Variants in MTIF2 observed in about 807,000 individuals in gnomAD.
The protein encoded by MTIF2 is mitochondrial translational initiation factor 2, also known as translation initiation factor IF-2, mitochondrial.
Under a neutral mutation model 83.5 loss-of-function variants are expected in MTIF2, and 71 were observed. The observed-to-expected ratio is 0.85, with a 90% CI of 0.70 to 1.04. MTIF2 has a LOEUF of 1.04. MTIF2 is among the 50% of genes least tolerant of loss of function. The pLI is 0.00. For synonymous variants in MTIF2, 319 were observed against 287.1 expected, an observed-to-expected ratio of 1.11 and a Z score of -1.12; for missense variants, 957 against 846.5, an observed-to-expected ratio of 1.13 and a Z score of -1.62.
chr2:55,240,034 CAG>C lies in MTIF2; in HGVS notation c.1845_1846del (p.Ala617CysfsTer8). ...ACCTACTGGGTGCTCTTCCACAGCA[CAG>C]GGTAATCTGCTGCTCAGTTCCTCTT... is the stretch of plus-strand genomic sequence containing the variant. On this transcript the variant is annotated frameshift_variant, in exon 14 of 16. Coordinates refer to ENST00000263629, the MANE Select transcript of MTIF2 (RefSeq NM_002453.3). LOFTEE classifies it high-confidence loss of function. The C allele has an allele frequency of 6.2e-7, 1 of 1,612,792 alleles. No homozygotes were observed. The highest frequency in any genetic ancestry group is 8.5e-7 in the Non-Finnish European group (1 of 1,179,726).
At chr2:55,243,990 T>C (rs1382469722) in intron 11 of MTIF2, 39 bp downstream of exon 11, 1 of 1,465,260 alleles carries the variant, frequency 6.8e-7, no homozygotes, top group Non-Finnish European at 9.3e-7. Context: ...TTAAAATCAT[T>C]ATATTATATC....
At chr2:55,242,805 A>T (rs1558553270) in intron 13 of MTIF2, 135 bp downstream of exon 13, 3 of 822,592 alleles carry the variant, frequency 3.6e-6, no homozygotes, top group Non-Finnish European at 5.6e-6. Flanking sequence ...GCTAGCTGGG[A>T]CTGGACTATA....
At chr2:55,259,952 A>AT (rs1677835294) in intron 5 of MTIF2, among the ~76,000 whole-genome samples, 1 of 152,168 alleles carries the variant, frequency 6.6e-6, no homozygotes, top group East Asian at 1.9e-4. Context: ...TCAAAAAAAA[A>AT]GTTTTAAAAA....
chr2:55,243,080 C>A lies in MTIF2; in HGVS notation c.1565G>T (p.Gly522Val). The A allele has an allele frequency of 6.3e-7, 1 of 1,585,198 alleles. No individual in the cohort carries two copies. The highest frequency in any genetic ancestry group is 8.5e-7 in the Non-Finnish European group (1 of 1,170,932). The change falls in exon 13 of 16, where the codon GGT (glycine) becomes GTT (valine). Residue 522 changes from glycine (G) to valine (V), a missense_variant and splice_region_variant. Gly to Val is a moderately radical substitution (Grantham distance 109). Transcript: ENST00000263629. ...DSNVLSVIIKGDVDGSVEAIL... is the reference protein window; with the variant it reads ...DSNVLSVIIKVDVDGSVEAIL... The stretch of plus-strand genomic sequence containing the variant: ...GGCCTCAACAGAACCATCAACATCA[C>A]CTAAATACAGAAAAAGTTTATAATT...
intron 7 of MTIF2, 54 bp from the exon 8 acceptor site, chr2:55,252,707 T>C (rs1558567583): frequency 1.6e-6 from 2 of 1,289,468 alleles, no homozygotes; most frequent in South Asian, 1.4e-5. Flanking sequence ...ACTTCCTTAA[T>C]ACCAAAGAAT....
intron 5 of MTIF2, among the ~76,000 whole-genome samples, chr2:55,260,577 C>T (rs1248909432): frequency 7.9e-5 from 12 of 152,306 alleles, no homozygotes; most frequent in Admixed American, 7.8e-4. Flanking sequence ...ACAGCATGTG[C>T]TCTGGAGCCA....
chr2:55,243,785 T>G lies in MTIF2; in HGVS notation c.1312-117A>C, dbSNP rs1032608269. ...TTAACTCATGTATGAAACTACTACT[T>G]TTATAAGTTTCAAGAAACATGTAAA... On this transcript the variant is annotated intron_variant, in intron 11 of 15. Coordinates refer to ENST00000263629, the MANE Select transcript of MTIF2 (RefSeq NM_002453.3). 5.2e-6 allele frequency: 6 copies of G among 1,150,040 alleles called. No homozygotes were observed. In the South Asian group the frequency reaches 1.0e-4, roughly 19 times the overall value. 71.2% of individuals were successfully genotyped at this position (1,150,040 alleles called of 1,614,324 possible).
At chr2:55,266,141 A>C (rs550161505) in intron 3 of MTIF2, among the ~76,000 whole-genome samples, 2 of 152,332 alleles carry the variant, frequency 1.3e-5, no homozygotes, top group South Asian at 4.1e-4. Context: ...CATTACAAAA[A>C]AAAAAGAATG....
chr2:55,263,129 G>C (rs1678164845), intron 4 of MTIF2, among the ~76,000 whole-genome samples: 1 of 152,202 alleles, frequency 6.6e-6, no homozygotes, highest in African/African-American at 2.4e-5. Context: ...CCAAAGTGCT[G>C]GGATTACAGG....
chr2:55,237,156 G>C, intron 15 of MTIF2, 132 bp downstream of exon 15: 7 of 1,063,480 alleles, frequency 6.6e-6, no homozygotes, highest in Non-Finnish European at 9.4e-6. Context: ...CAATTTAGGG[G>C]TTTCAATAGC....
intron 14 of MTIF2, among the ~76,000 whole-genome samples, chr2:55,238,329 A>G (rs1213797192): frequency 4.1e-5 from 6 of 146,740 alleles, no homozygotes; most frequent in Non-Finnish European, 7.5e-5. Flanking sequence ...ATTATTTTTC[A>G]TTTTGCCACA....
intron 13 of MTIF2, among the ~76,000 whole-genome samples, chr2:55,242,310 G>C (rs1001565621): frequency 6.6e-6 from 1 of 152,042 alleles, no homozygotes; most frequent in Non-Finnish European, 1.5e-5. Context: ...CTCTAATCAA[G>C]TCAGGTTTCA....
At chr2:55,258,032 T>C (rs573901582) in intron 5 of MTIF2, among the ~76,000 whole-genome samples, 3 of 152,318 alleles carry the variant, frequency 2.0e-5, no homozygotes, top group South Asian at 2.1e-4. Flanking sequence ...GCTCAAGCGA[T>C]ATGTTTGCCT....
At chr2:55,262,144 T>G (rs1289951266) in intron 5 of MTIF2, among the ~76,000 whole-genome samples, 172 bp downstream of exon 5, 3 of 152,194 alleles carry the variant, frequency 2.0e-5, no homozygotes, top group African/African-American at 7.2e-5. Context: ...CATTTGGCAG[T>G]CAAGAAACTA....
In MTIF2 at chr2:55,254,061, T is replaced by TCA. The variant is rs1270913270; in HGVS notation, c.643_644insTG (p.Gln215LeufsTer17). On this transcript the variant is annotated frameshift_variant, in exon 7 of 16. Coordinates refer to ENST00000263629, the MANE Select transcript of MTIF2 (RefSeq NM_002453.3). LOFTEE classifies it high-confidence loss of function. ...CATACCAAGAAAGGCACCAATGTGCTGAGTGATGCCTCCAGTTTCCACTGC... is the reference window on the plus strand; with the variant it reads ...CATACCAAGAAAGGCACCAATGTGCTCAGAGTGATGCCTCCAGTTTCCACTGC... 2 of 1,614,094 alleles carry TCA rather than the reference T, an allele frequency of 1.2e-6. No individual in the cohort carries two copies. The highest frequency in any genetic ancestry group is 3.3e-5 in the Admixed American group (2 of 59,996).
At chr2:55,241,187 G>T (rs1227623232) in intron 13 of MTIF2, among the ~76,000 whole-genome samples, 1 of 151,484 alleles carries the variant, frequency 6.6e-6, no homozygotes, top group Non-Finnish European at 1.5e-5. Flanking sequence ...GGAGGCCGAG[G>T]TGGGTGGATC....
At chr2:55,246,152 T>C (rs567015806) in intron 10 of MTIF2, among the ~76,000 whole-genome samples, 185 bp downstream of exon 10, 1 of 152,378 alleles carries the variant, frequency 6.6e-6, no homozygotes, top group East Asian at 1.9e-4. Context: ...TATGGTCTAC[T>C]GATAATAACT....
chr2:55,250,406 G>C (rs1452663383), intron 8 of MTIF2, among the ~76,000 whole-genome samples: 1 of 147,926 alleles, frequency 6.8e-6, no homozygotes, highest in East Asian at 2.0e-4. Flanking sequence ...AAGTACACTG[G>C]AGATAATCTC....
In MTIF2 at chr2:55,254,530, C is replaced by T. The variant is rs372150486; in HGVS notation, c.503+124G>A. The T allele has an allele frequency of 1.2e-3, 928 of 805,320 alleles. 5 individuals are homozygous for T. Among genetic ancestry groups the T allele is most frequent in the Middle Eastern group, 3.5e-3 (14 of 4,000 alleles). The allele number at this position is 805,320 out of a possible 1,614,324, so 49.9% of individuals were successfully genotyped here. A position where few individuals can be genotyped will look rare whatever the true frequency, so the allele number is the denominator to read the frequency against. ...ACACTTTCTAATGCTTTAAGTACTTCGAAGTTTATACACACATATCTTTAT... is the reference window on the plus strand; with the variant it reads ...ACACTTTCTAATGCTTTAAGTACTTTGAAGTTTATACACACATATCTTTAT... On this transcript the variant is annotated intron_variant, in intron 6 of 15. Coordinates refer to ENST00000263629, the MANE Select transcript of MTIF2 (RefSeq NM_002453.3).
Sources: gnomAD v4.1 joint callset for allele counts (sites outside exome capture counted in the v4.1 genomes callset) on GRCh38, gnomAD v4.1.1 for gene constraint, MANE v1.5 for transcripts, NCBI Gene and HGNC (gene_info 2026-07-23, HGNC 2026-07-21) for gene names.